Variants in GASK1A observed in about 807,000 individuals in gnomAD.
GASK1A encodes the protein Golgi-associated kinase 1A.
A neutral mutation model predicts 41.2 loss-of-function variants in GASK1A; 40 were observed. That is an observed-to-expected ratio of 0.97 (90% CI 0.75 to 1.27). The LOEUF (loss-of-function observed/expected upper bound fraction) is 1.27. Ranked by LOEUF, GASK1A falls within the 50% of genes most tolerant of loss-of-function variation. The pLI is 0.00. For missense variants in GASK1A, 678 were observed against 745.1 expected (o/e 0.91, Z 1.05); for synonymous variants, 316 against 307.1 (o/e 1.03, Z -0.30).
chr3:43,027,306 T>A (rs1682982804), intron 1 of GASK1A, among the ~76,000 whole-genome samples: 1 of 152,102 alleles, frequency 6.6e-6, no homozygotes, highest in Non-Finnish European at 1.5e-5. Context: ...CAAATGTGGG[T>A]ATTAGAGAGA....
intron 1 of GASK1A, among the ~76,000 whole-genome samples, chr3:42,997,202 A>G (rs572542360): frequency 6.6e-6 from 1 of 152,188 alleles, no homozygotes; most frequent in South Asian, 2.1e-4. Flanking sequence ...ACCTTGGGTG[A>G]CTCTGCAACT....
chr3:43,037,592 G>C (rs1425864991), intron 2 of GASK1A: 3 of 295,146 alleles, frequency 1.0e-5, no homozygotes, highest in African/African-American at 2.2e-5. Context: ...ATCCCTCTTT[G>C]ATATCAGAGA....
rs141212044 is a variant in GASK1A, at chr3:43,018,287, A to G, written c.4-13980A>G. 2.6e-3 allele frequency among the ~76,000 whole-genome samples: 393 copies of G among 152,344 alleles called. 1 individual carries two copies. The highest frequency in any genetic ancestry group is 3.8e-3 in the Non-Finnish European group (259 of 68,036). On this transcript the variant is annotated intron_variant, in intron 1 of 4. Transcript: ENST00000430121. ...GAATTTCTACCATTGTAACATTATC[A>G]TATTAGCACATATGTTGTAGGATTT...
chr3:43,028,151 G>A (rs1427048229), intron 1 of GASK1A, among the ~76,000 whole-genome samples: 6 of 152,246 alleles, frequency 3.9e-5, no homozygotes, highest in Admixed American at 3.9e-4. Flanking sequence ...TTATCATGCA[G>A]TTGGAGCCTC....
chr3:43,012,299 TGGAAGTAGCTGTGTGAAGC>T (rs2089467684), intron 1 of GASK1A, among the ~76,000 whole-genome samples: 3 of 126,188 alleles, frequency 2.4e-5, no homozygotes, highest in African/African-American at 9.4e-5. Context: ...GTGAAGCCAC[TGGAAGTAGCTGTGTGAAGC>T]CACTGGAAGG....
chr3:43,041,072 G>A (rs2089634944), intron 2 of GASK1A, among the ~76,000 whole-genome samples: 1 of 149,808 alleles, frequency 6.7e-6, no homozygotes, highest in Admixed American at 6.7e-5. Flanking sequence ...TTTTATGGCT[G>A]CATAGTATTC....
intron 1 of GASK1A, among the ~76,000 whole-genome samples, chr3:42,986,972 T>C (rs1311212346): frequency 3.3e-5 from 5 of 152,236 alleles, no homozygotes; most frequent in Non-Finnish European, 7.3e-5. Context: ...TCGGCCTTCC[T>C]CCTTTCTCTT....
chr3:43,057,557 A>G lies in GASK1A; in HGVS notation c.*1171A>G, dbSNP rs1022685617. ...TAATCATGAATGAAGTCATCTTTCC[A>G]CTTATTTGCCAGACATTTGTATTTT... is the stretch of plus-strand genomic sequence containing the variant. On this transcript the variant is annotated 3_prime_UTR_variant, in exon 5 of 5. Transcript: ENST00000430121. 4 of 152,030 alleles carry G rather than the reference A, an allele frequency of 2.6e-5. No individual in the cohort carries two copies. The highest frequency in any genetic ancestry group is 5.9e-5 in the Non-Finnish European group (4 of 68,010). 9.4% of individuals were successfully genotyped at this position (152,030 alleles called of 1,614,324 possible).
intron 1 of GASK1A, among the ~76,000 whole-genome samples, chr3:43,000,349 C>T (rs936126961): frequency 6.6e-6 from 1 of 152,240 alleles, no homozygotes; most frequent in Admixed American, 6.5e-5. Flanking sequence ...TTTTGCTCTT[C>T]AGTCAGATTC....
chr3:43,015,655 G>T (rs900754273), intron 1 of GASK1A, among the ~76,000 whole-genome samples: 1 of 152,024 alleles, frequency 6.6e-6, no homozygotes, highest in African/African-American at 2.4e-5. Flanking sequence ...TGAAGCCACA[G>T]GAAGGGGCAG....
intron 2 of GASK1A, among the ~76,000 whole-genome samples, chr3:43,049,070 G>A (rs1399421031): frequency 1.3e-5 from 2 of 152,176 alleles, no homozygotes; most frequent in Non-Finnish European, 2.9e-5. Context: ...GGTTAGGGGA[G>A]CTTGGACCCC....
Position 43,033,178 on chromosome 3 carries a change from T to C in GASK1A, c.915T>C (p.Ser305=). ...AGGCTGCCCTTCAGGACCTGTCCTC[T>C]CCCAGGCTCAGCCAACTCTGTTCCC... ...STEAALQDLS[S]PRLSQLCSQG... The change falls in exon 2 of 5, where the codon TCT becomes TCC. Residue 305 remains serine (S), a synonymous_variant. Transcript: ENST00000430121. 6.4e-7 allele frequency: 1 copy of C among 1,551,132 alleles called. No individual in the cohort carries two copies. The highest frequency in any genetic ancestry group is 8.7e-7 in the Non-Finnish European group (1 of 1,146,594).
At chr3:42,991,586 C>T (rs1036643123) in intron 1 of GASK1A, among the ~76,000 whole-genome samples, 3 of 152,140 alleles carry the variant, frequency 2.0e-5, no homozygotes, top group Non-Finnish European at 4.4e-5. Context: ...TGATGGAGTA[C>T]GGGGGCTGGA....
At chr3:42,980,388 C>T (rs1272641893) in intron 1 of GASK1A, among the ~76,000 whole-genome samples, 2 of 152,200 alleles carry the variant, frequency 1.3e-5, no homozygotes, top group Non-Finnish European at 2.9e-5. Context: ...CAGGCCCGGC[C>T]GCTGGTTAGT....
chr3:43,002,607 G>A (rs62249582), intron 1 of GASK1A, among the ~76,000 whole-genome samples: 5 of 152,100 alleles, frequency 3.3e-5, no homozygotes, highest in African/African-American at 9.7e-5. Context: ...GAGATGTGCT[G>A]TTTGTGTGAA....
At chr3:43,029,857 C>T (rs181416815) in intron 1 of GASK1A, among the ~76,000 whole-genome samples, 246 of 152,200 alleles carry the variant, frequency 1.6e-3, no homozygotes, top group Non-Finnish European at 3.0e-3. Context: ...GTGTTCGGTT[C>T]CTGCAGAAAC....
chr3:43,054,032 A>G (rs145461725), intron 3 of GASK1A: 21 of 353,748 alleles, frequency 5.9e-5, no homozygotes, highest in Admixed American at 4.5e-4. Flanking sequence ...TCAAGGCCAT[A>G]CGCTAGCAGC....
At chr3:42,996,972 A>T (rs1444246064) in intron 1 of GASK1A, among the ~76,000 whole-genome samples, 2 of 152,218 alleles carry the variant, frequency 1.3e-5, no homozygotes, top group African/African-American at 2.4e-5. Flanking sequence ...TGGAGCAGAG[A>T]GCTGGCAGCT....
rs1174434814 is a variant in GASK1A at position 42,984,394 on chromosome 3, ACACT to A, written c.3+4753_3+4756del. On this transcript the variant is annotated intron_variant, in intron 1 of 4. Coordinates refer to ENST00000430121, the MANE Select transcript of GASK1A (RefSeq NM_001129908.3). This position sits in a 1 kb window ranked among gnomAD's most constrained non-coding sequence, Gnocchi z 4.2. ...TACACACACATGTGCACGCACACAC[ACACT>A]CACGCATGCACACATACTCTTGGGA... 6.6e-6 allele frequency among the ~76,000 whole-genome samples: 1 copy of A among 152,100 alleles called. No homozygotes were observed. Among genetic ancestry groups the A allele is most frequent in the African/African-American group, 2.4e-5 (1 of 41,402 alleles).
Sources: gnomAD v4.1 joint callset for allele counts (sites outside exome capture counted in the v4.1 genomes callset) on GRCh38, gnomAD v4.1.1 for gene constraint, Gnocchi (gnomAD v3.1) non-coding constraint, MANE v1.5 for transcripts, NCBI Gene and HGNC (gene_info 2026-07-23, HGNC 2026-07-21) for gene names.